The following DISP1 variants were observed in gnomAD, a reference collection of about 807,000 sequenced individuals.
DISP1 encodes the protein dispatched RND transporter family member 1.
A neutral mutation model predicts 37.3 loss-of-function variants in DISP1; 30 were observed. That is an observed-to-expected ratio of 0.80 (90% CI 0.60 to 1.09). The LOEUF is 1.09. Among genes scored for constraint, DISP1 ranks in the 50% least tolerant of loss-of-function variants. The probability of loss-of-function intolerance (pLI) is 0.00; values close to 1 mark genes in which losing one functional copy is unlikely to be tolerated. For synonymous variants in DISP1, 634 were observed against 690.2 expected (o/e 0.92, Z 1.28); for missense variants, 1,598 against 1,879.5 (o/e 0.85, Z 2.77).
At chr1:222,934,169 G>C (rs1673573743) in intron 2 of DISP1, among the ~76,000 whole-genome samples, 1 of 151,962 alleles carries the variant, frequency 6.6e-6, no homozygotes, top group African/African-American at 2.4e-5. Context: ...AGTTGGACTT[G>C]GCATTGCTCT....
intron 1 of DISP1, among the ~76,000 whole-genome samples, chr1:222,838,577 C>T (rs1053494900): frequency 6.6e-6 from 1 of 151,956 alleles, no homozygotes; most frequent in Non-Finnish European, 1.5e-5. Context: ...AAAGACTAGC[C>T]TGGGCAACAT....
At chr1:222,919,340 C>G (rs34885545) in intron 1 of DISP1, among the ~76,000 whole-genome samples, 48,660 of 150,880 alleles carry the variant, frequency 0.32, 8,139 homozygotes, top group Non-Finnish European at 0.36. Flanking sequence ...AGTCACGCCC[C>G]GAGCGCAGTG....
At chr1:222,982,123 G>A (rs1162946275) in intron 3 of DISP1, among the ~76,000 whole-genome samples, 1 of 152,142 alleles carries the variant, frequency 6.6e-6, no homozygotes, top group African/African-American at 2.4e-5. Flanking sequence ...AGCAAGATAA[G>A]TATCATTGTT....
At chr1:222,944,557 CAAAAGTGTAA>C (rs1192462762) in intron 3 of DISP1, among the ~76,000 whole-genome samples, 1 of 152,118 alleles carries the variant, frequency 6.6e-6, no homozygotes, top group African/African-American at 2.4e-5. Flanking sequence ...CAAACGTATA[CAAAAGTGTAA>C]CCCATATTTT....
chr1:222,958,590 T>G lies in DISP1; in HGVS notation c.509+15258T>G, dbSNP rs371387976. 2.2e-4 allele frequency among the ~76,000 whole-genome samples: 33 copies of G among 152,292 alleles called. 1 individual carries two copies. Among genetic ancestry groups the G allele is most frequent in the African/African-American group, 5.8e-4 (24 of 41,560 alleles). On this transcript the variant is annotated intron_variant, in intron 3 of 8. Transcript: ENST00000675850. ...CTAGATATATCTGAAGAGAGGTAAATTTAACATGGTTTTAAATACGATTTT... is the reference window on the plus strand; with the variant it reads ...CTAGATATATCTGAAGAGAGGTAAAGTTAACATGGTTTTAAATACGATTTT...
At chr1:222,834,191 C>T (rs557432047) in intron 1 of DISP1, among the ~76,000 whole-genome samples, 5 of 152,100 alleles carry the variant, frequency 3.3e-5, no homozygotes, top group African/African-American at 1.2e-4. Flanking sequence ...TCTGCTTACC[C>T]CCTTTCCTTA....
chr1:222,971,868 T>C (rs1180400740), intron 3 of DISP1, among the ~76,000 whole-genome samples: 1 of 152,142 alleles, frequency 6.6e-6, no homozygotes, highest in Non-Finnish European at 1.5e-5. Context: ...GTTTTAGTAT[T>C]TTATGTAAGA....
At chr1:222,936,856 T>TATAATTTATATATCATATATATGATAC (rs1673876480) in intron 2 of DISP1, among the ~76,000 whole-genome samples, 1 of 64,328 alleles carries the variant, frequency 1.6e-5, no homozygotes, top group Non-Finnish European at 2.7e-5. Flanking sequence ...ATATATGATA[T>TATAATTTATATATCATATATATGATAC]ATAATTTATA....
intron 1 of DISP1, among the ~76,000 whole-genome samples, chr1:222,914,001 TG>T (rs1419205942): frequency 1.4e-4 from 20 of 138,050 alleles, no homozygotes; most frequent in South Asian, 9.4e-4. Context: ...TTTTTTTGGT[TG>T]TTTTTTTTTT....
chr1:222,981,954 GA>G (rs1395196021), intron 3 of DISP1, among the ~76,000 whole-genome samples: 1 of 152,286 alleles, frequency 6.6e-6, no homozygotes, highest in East Asian at 1.9e-4. Flanking sequence ...AACCTTCAAA[GA>G]GCTTTTGTTT....
chr1:222,838,283 G>T (rs1667371139), intron 1 of DISP1, among the ~76,000 whole-genome samples: 1 of 151,860 alleles, frequency 6.6e-6, no homozygotes, highest in Non-Finnish European at 1.5e-5. Context: ...TGTTTTCTTG[G>T]AGTTTATGGG....
intron 1 of DISP1, among the ~76,000 whole-genome samples, chr1:222,823,313 T>A (rs751391251): frequency 6.6e-6 from 1 of 151,970 alleles, no homozygotes; most frequent in Non-Finnish European, 1.5e-5. Context: ...ATAAAGAAAA[T>A]GTGGTGTACA....
At chr1:222,961,789 C>T (rs552850461) in intron 3 of DISP1, among the ~76,000 whole-genome samples, 20 of 152,164 alleles carry the variant, frequency 1.3e-4, no homozygotes, top group African/African-American at 3.4e-4. Flanking sequence ...GGGTGGATCA[C>T]GAGGTCAAGA....
chr1:222,918,295 A>G (rs997813738), intron 1 of DISP1, among the ~76,000 whole-genome samples: 1 of 152,164 alleles, frequency 6.6e-6, no homozygotes, highest in East Asian at 1.9e-4. Flanking sequence ...AAACAAACCC[A>G]CTAAGATTCC....
intron 1 of DISP1, among the ~76,000 whole-genome samples, chr1:222,871,999 G>A (rs9441938): frequency 5.3e-5 from 8 of 149,994 alleles, no homozygotes; most frequent in Non-Finnish European, 1.2e-4. Flanking sequence ...TAGCATGAAG[G>A]GTTGTTGAAT....
rs143683050 is a variant in DISP1, at chr1:222,885,989, A to G, written c.-158-42441A>G. On this transcript the variant is annotated intron_variant, in intron 1 of 8. Transcript: ENST00000675850. Reference sequence around the variant, plus strand: ...CATCACGATTTTCTGGTGCTTTGCCATGTGAATAAGTTTGAAAACTACTTC... The same window carrying G: ...CATCACGATTTTCTGGTGCTTTGCCGTGTGAATAAGTTTGAAAACTACTTC... Among the ~76,000 whole-genome samples the G allele has an allele frequency of 2.9e-3, 447 of 152,228 alleles. 3 individuals carry two copies. Among genetic ancestry groups the G allele is most frequent in the African/African-American group, 0.01 (434 of 41,532 alleles).
intron 1 of DISP1, among the ~76,000 whole-genome samples, chr1:222,839,914 CAG>C (rs552225545): frequency 9.9e-5 from 14 of 141,344 alleles, no homozygotes; most frequent in African/African-American, 2.9e-4. Flanking sequence ...GCCTGGGTAA[CAG>C]AGCAAGACTG....
At chr1:222,833,991 A>G (rs1389999016) in intron 1 of DISP1, among the ~76,000 whole-genome samples, 1 of 152,196 alleles carries the variant, frequency 6.6e-6, no homozygotes, top group Non-Finnish European at 1.5e-5. Context: ...TCCTTGGTAC[A>G]TGGTGAGTCT....
At chr1:222,933,417 C>T (rs1377364734) in intron 2 of DISP1, among the ~76,000 whole-genome samples, 1 of 151,826 alleles carries the variant, frequency 6.6e-6, no homozygotes, top group Non-Finnish European at 1.5e-5. Flanking sequence ...GTTGAAACTA[C>T]CCATAAATTG....
Sources: gnomAD v4.1 joint callset for allele counts (sites outside exome capture counted in the v4.1 genomes callset) on GRCh38, gnomAD v4.1.1 for gene constraint, MANE v1.5 for transcripts, NCBI Gene and HGNC (gene_info 2026-07-23, HGNC 2026-07-21) for gene names.